The following RPA2 variants were observed in gnomAD, a reference collection of about 807,000 sequenced individuals.
RPA2 encodes replication protein A 32 kDa subunit.
A neutral mutation model predicts 33.4 loss-of-function variants in RPA2; 22 were observed. That is an observed-to-expected ratio of 0.66 (90% CI 0.47 to 0.94). The LOEUF is 0.94. Ranked by LOEUF, RPA2 falls within the 40% of genes least tolerant of loss-of-function variation. The probability of loss-of-function intolerance (pLI) is 0.00; values close to 1 mark genes in which losing one functional copy is unlikely to be tolerated. For synonymous variants in RPA2, 109 were observed against 114.9 expected (o/e 0.95, Z 0.33); for missense variants, 279 against 329.9 (o/e 0.85, Z 1.19).
intron 6 of RPA2, among the ~76,000 whole-genome samples, chr1:27,895,363 A>G (rs933000988): frequency 7.2e-5 from 11 of 152,110 alleles, no homozygotes; most frequent in South Asian, 4.1e-4. Flanking sequence ...CGGAGGCTGC[A>G]GTGAGCCGAG....
upstream of RPA2, chr1:27,914,755 G>C: frequency 3.7e-6 from 5 of 1,363,002 alleles, no homozygotes; most frequent in Non-Finnish European, 5.1e-6. Flanking sequence ...GCGGAAGCAA[G>C]GGGCTGGCAG....
chr1:27,904,657 T>C (rs1032013846), intron 4 of RPA2, among the ~76,000 whole-genome samples: 8 of 152,156 alleles, frequency 5.3e-5, no homozygotes, highest in African/African-American at 1.9e-4. Flanking sequence ...CGCATTTTTT[T>C]TTTTGAGTCA....
At chr1:27,913,123 T>G (rs2148663407) in intron 2 of RPA2, among the ~76,000 whole-genome samples, 1 of 151,910 alleles carries the variant, frequency 6.6e-6, no homozygotes, top group South Asian at 2.1e-4. Flanking sequence ...TGGCTAATTT[T>G]TGTATTTTTA....
intron 6 of RPA2, among the ~76,000 whole-genome samples, chr1:27,896,111 G>A (rs12063397): frequency 6.6e-6 from 1 of 152,152 alleles, no homozygotes; most frequent in East Asian, 1.9e-4. Context: ...AAGAATGTAA[G>A]TATATAGTGT....
chr1:27,893,769 G>A lies in RPA2; in HGVS notation c.728+243C>T, dbSNP rs538209830. Among the ~76,000 whole-genome samples, 24 of 152,008 alleles carry A rather than the reference G, an allele frequency of 1.6e-4. No homozygotes were observed. The East Asian group carries it at 1.9e-3, about 12-fold the overall frequency. On this transcript the variant is annotated intron_variant, in intron 8 of 8. Coordinates refer to ENST00000373912, the MANE Select transcript of RPA2 (RefSeq NM_002946.5). ...ATTACAGTTGCGTGCCACCATGCCC[G>A]GCTAATTTTTGTATTTTTAGTAGAA...
At position 27,904,330 on chromosome 1, in the gene RPA2, G is replaced by A. The variant is rs534696662; in HGVS notation, c.333+2598C>T. Among the ~76,000 whole-genome samples the A allele has an allele frequency of 3.3e-5, 5 of 152,308 alleles. No individual in the cohort carries two copies. The South Asian group carries it at 8.3e-4, about 25-fold the overall frequency. ...TGTCTGAAAGGGTATTTTCCAAAAT[G>A]TGTCGTAATAGTAGTTCTTTAAGAG... On this transcript the variant is annotated intron_variant, in intron 4 of 8. Coordinates refer to ENST00000373912, the MANE Select transcript of RPA2 (RefSeq NM_002946.5).
intron 2 of RPA2, among the ~76,000 whole-genome samples, chr1:27,911,948 G>C (rs1341236268): frequency 6.6e-6 from 1 of 151,834 alleles, no homozygotes; most frequent in Non-Finnish European, 1.5e-5. Flanking sequence ...CAAAAAACTA[G>C]CCGGGTGTGG....
chr1:27,898,131 G>C (rs2089916257), intron 4 of RPA2, among the ~76,000 whole-genome samples: 1 of 152,060 alleles, frequency 6.6e-6, no homozygotes, highest in Non-Finnish European at 1.5e-5. Flanking sequence ...CCAGTAGCTG[G>C]GATTACAGGC....
Position 27,891,589 on chromosome 1 carries a change from T to C in RPA2, c.*574A>G, listed in dbSNP as rs7356. On this transcript the variant is annotated 3_prime_UTR_variant, in exon 9 of 9. Coordinates refer to ENST00000373912, the MANE Select transcript of RPA2 (RefSeq NM_002946.5). ...ATGACTGTATTTATTTTGTACAAAATGCAGTAACACTTCTTCTTTTCCTCT... is the reference window on the plus strand; with the variant it reads ...ATGACTGTATTTATTTTGTACAAAACGCAGTAACACTTCTTCTTTTCCTCT... The C allele has an allele frequency of 0.44, 66,617 of 152,308 alleles. 15,207 individuals are homozygous for C. The highest frequency in any genetic ancestry group is 0.58 in the African/African-American group (24,012 of 41,476). The allele number at this position is 152,308 out of a possible 1,614,324, so 9.4% of individuals were successfully genotyped here. A position where few individuals can be genotyped will look rare whatever the true frequency, so the allele number is the denominator to read the frequency against.
In RPA2 at chr1:27,898,064, C is replaced by T. The variant is rs534876704; in HGVS notation, c.334-357G>A. Reference sequence around the variant, plus strand: ...GGAGTGCAGTGGCACGATCTTGGCTCGCTGCAACCTCCGCCTCCCAAGGGA... The same window carrying T: ...GGAGTGCAGTGGCACGATCTTGGCTTGCTGCAACCTCCGCCTCCCAAGGGA... On this transcript the variant is annotated intron_variant, in intron 4 of 8. Transcript: ENST00000373912. Among the ~76,000 whole-genome samples, 7 of 152,220 alleles carry T rather than the reference C, an allele frequency of 4.6e-5. No homozygotes were observed. The East Asian group carries it at 7.7e-4, about 17-fold the overall frequency.
At position 27,897,099 on chromosome 1, in the gene RPA2, A is replaced by G. The variant is rs751811246; in HGVS notation, c.431T>C (p.Phe144Ser). The G allele has an allele frequency of 1.2e-6, 2 of 1,613,260 alleles. No individual in the cohort carries two copies. Among genetic ancestry groups the G allele is most frequent in the Non-Finnish European group, 1.7e-6 (2 of 1,179,702 alleles). The change falls in exon 6 of 9, where the codon TTT (phenylalanine) becomes TCT (serine). Residue 144 changes from phenylalanine (F) to serine (S), a missense_variant. Physicochemically the swap from Phe to Ser is radical, Grantham distance 155. This residue lies in a region of RPA2 where 274 missense variants were observed against 310.3 expected (regional missense o/e 0.88). Coordinates refer to ENST00000373912, the MANE Select transcript of RPA2 (RefSeq NM_002946.5). ...SFQNKKSLVA[F>S]KIMPLEDMNE... ...CATATCCTCCAGGGGCATGATCTTA[A>G]AGGCTACCAGGCTCTTTTTGTTCTA...
Position 27,914,462 on chromosome 1 carries a change from CAA to C in RPA2, c.-21_-20del, listed in dbSNP as rs766149870. ...TCCACATCTTGGTCACGATTCTCCG[CAA>C]AGAGGCCGAGAAGGTGCGGGTCTGG... On this transcript the variant is annotated 5_prime_UTR_variant, in exon 1 of 9. Transcript: ENST00000373912. 14 of 1,590,980 alleles carry C rather than the reference CAA, an allele frequency of 8.8e-6. No individual in the cohort carries two copies. Among genetic ancestry groups the C allele is most frequent in the Non-Finnish European group, 1.2e-5 (14 of 1,167,644 alleles).
chr1:27,893,902 C>T, intron 8 of RPA2, 110 bp downstream of exon 8: 1 of 861,946 alleles, frequency 1.2e-6, no homozygotes, highest in East Asian at 2.6e-5. Context: ...AGCCACCATG[C>T]CCGGCTGCCA....
chr1:27,903,217 C>T (rs978688777), intron 4 of RPA2, among the ~76,000 whole-genome samples: 2 of 152,132 alleles, frequency 1.3e-5, no homozygotes, highest in South Asian at 2.1e-4. Context: ...GCGTGAGCCA[C>T]GACGCCTGGC....
In RPA2 at chr1:27,906,921, C is replaced by T; in HGVS notation, c.333+7G>A. 1 of 1,592,130 alleles carries T rather than the reference C, an allele frequency of 6.3e-7. No individual in the cohort carries two copies. Among genetic ancestry groups the T allele is most frequent in the Non-Finnish European group, 8.6e-7 (1 of 1,165,906 alleles). ...AACCCCATCATGATTCAAAAACAGC[C>T]ACTTACATCTGTGTCAACCCACTGG... is the stretch of plus-strand genomic sequence containing the variant. On this transcript the variant is annotated splice_region_variant and intron_variant, in intron 4 of 8. Coordinates refer to ENST00000373912, the MANE Select transcript of RPA2 (RefSeq NM_002946.5).
At chr1:27,898,666 CT>C (rs2089922672) in intron 4 of RPA2, among the ~76,000 whole-genome samples, 1 of 151,836 alleles carries the variant, frequency 6.6e-6, no homozygotes, top group Admixed American at 6.6e-5. Context: ...CTGCCTCAGC[CT>C]CCCAAATAGC....
chr1:27,907,134 A>C (rs1352537954), intron 3 of RPA2, 47 bp downstream of exon 3: 1 of 1,587,608 alleles, frequency 6.3e-7, no homozygotes, highest in Non-Finnish European at 8.6e-7. Context: ...GTCTTATTTC[A>C]TTCTTTATTA....
intron 4 of RPA2, among the ~76,000 whole-genome samples, chr1:27,905,513 A>C (rs1203114467): frequency 6.6e-6 from 1 of 151,412 alleles, no homozygotes; most frequent in Non-Finnish European, 1.5e-5. Context: ...CTGGATTCGA[A>C]CTCCTGACCT....
intron 2 of RPA2, among the ~76,000 whole-genome samples, chr1:27,910,883 C>T (rs138962851): frequency 6.6e-6 from 1 of 151,896 alleles, no homozygotes; most frequent in African/African-American, 2.4e-5. Flanking sequence ...AAGAATAGGG[C>T]GTTTACCTAA....
Sources: gnomAD v4.1 joint callset for allele counts (sites outside exome capture counted in the v4.1 genomes callset) on GRCh38, gnomAD v4.1.1 for gene constraint, gnomAD v4.1.1 regional missense constraint, MANE v1.5 for transcripts, NCBI Gene and HGNC (gene_info 2026-07-23, HGNC 2026-07-21) for gene names.